The following KCNMA1 variants were observed in gnomAD, a reference collection of about 807,000 sequenced individuals.
KCNMA1 encodes Calcium-activated potassium channel subunit alpha-1.
KCNMA1 carries 29 observed loss-of-function variants against 140.0 expected under a neutral mutation model. The ratio of observed to expected loss-of-function variants is 0.21; its 90% CI spans 0.15 to 0.28. The LOEUF (loss-of-function observed/expected upper bound fraction) is 0.28, where lower values mean the gene tolerates loss of function less well. Among genes scored for constraint, KCNMA1 ranks in the 10% least tolerant of loss-of-function variants. KCNMA1 has a pLI of 1.00. For synonymous variants in KCNMA1, 612 were observed against 611.9 expected (o/e 1.00, Z 0.00); for missense variants, 880 against 1,602.2 (o/e 0.55, Z 7.70).
chr10:77,486,277 C>T (rs942446161), intron 1 of KCNMA1, among the ~76,000 whole-genome samples: 1 of 152,154 alleles, frequency 6.6e-6, no homozygotes, highest in East Asian at 1.9e-4. Flanking sequence ...TTCCCCACCA[C>T]CAAGTAGAGC....
intron 1 of KCNMA1, among the ~76,000 whole-genome samples, chr10:77,623,728 A>G (rs2091975978): frequency 6.6e-6 from 1 of 151,964 alleles, no homozygotes; most frequent in African/African-American, 2.4e-5. Context: ...AAGAAAGAAT[A>G]TTTGCAGGAT....
chr10:77,103,529 G>A (rs1224153130), intron 9 of KCNMA1, among the ~76,000 whole-genome samples: 2 of 152,218 alleles, frequency 1.3e-5, no homozygotes, highest in East Asian at 1.9e-4. Context: ...CTCTGCAGGT[G>A]AGATCTGCCC....
intron 1 of KCNMA1, among the ~76,000 whole-genome samples, chr10:77,610,428 G>A (rs530469360): frequency 5.8e-4 from 89 of 152,348 alleles, no homozygotes; most frequent in Non-Finnish European, 7.8e-4. Flanking sequence ...TCACTGAGCC[G>A]CAGCCTCGGG....
At chr10:77,556,744 C>T (rs1373992985) in intron 1 of KCNMA1, among the ~76,000 whole-genome samples, 3 of 152,060 alleles carry the variant, frequency 2.0e-5, no homozygotes, top group Admixed American at 1.3e-4. Context: ...TGCCTGATGC[C>T]CAACTCCAGG....
At chr10:77,616,504 C>A (rs2089557544) in intron 1 of KCNMA1, among the ~76,000 whole-genome samples, 1 of 152,332 alleles carries the variant, frequency 6.6e-6, no homozygotes, top group African/African-American at 2.4e-5. Flanking sequence ...CATCTCCCAG[C>A]ATTTGAAAGT....
At chr10:77,231,942 C>T (rs2053748667) in intron 3 of KCNMA1, among the ~76,000 whole-genome samples, 1 of 152,224 alleles carries the variant, frequency 6.6e-6, no homozygotes, top group Admixed American at 6.5e-5. Flanking sequence ...CTATCAACCC[C>T]CAATCTCCCC....
At chr10:77,429,545 C>A (rs977580046) in intron 1 of KCNMA1, among the ~76,000 whole-genome samples, 1 of 152,166 alleles carries the variant, frequency 6.6e-6, no homozygotes, top group African/African-American at 2.4e-5. Flanking sequence ...TCATAAGCTT[C>A]TCCCCAACAC....
At chr10:77,293,903 T>C (rs2074144043) in intron 2 of KCNMA1, among the ~76,000 whole-genome samples, 3 of 152,262 alleles carry the variant, frequency 2.0e-5, no homozygotes, top group Admixed American at 1.3e-4. Context: ...CGGGTTTCTG[T>C]ACACAGTTTT....
At position 77,027,844 on chromosome 10, in the gene KCNMA1, T is replaced by C; in HGVS notation, c.1907A>G (p.Lys636Arg). 3 of 1,613,948 alleles carry C rather than the reference T, an allele frequency of 1.9e-6. No homozygotes were observed. Among genetic ancestry groups the C allele is most frequent in the Non-Finnish European group, 2.5e-6 (3 of 1,179,920 alleles). Residue 636 changes from lysine (K) to arginine (R), a missense_variant, in exon 16 of 28, where the codon AAG (lysine) becomes AGG (arginine). Lys to Arg is a conservative substitution (Grantham distance 26, BLOSUM62 2). Coordinates refer to ENST00000286628, the MANE Select transcript of KCNMA1 (RefSeq NM_001161352.2). ...LKLLMIAIEY[K>R]SANRESRILI... ...TTACCGGCTCTCTCGGTTGGCAGACTTGTACTCAATGGCTATCATTAGGAG... is the reference window on the plus strand; with the variant it reads ...TTACCGGCTCTCTCGGTTGGCAGACCTGTACTCAATGGCTATCATTAGGAG...
intron 18 of KCNMA1, among the ~76,000 whole-genome samples, chr10:77,011,710 G>A (rs180944183): frequency 6.6e-6 from 1 of 152,244 alleles, no homozygotes; most frequent in Admixed American, 6.5e-5. Context: ...ATCTACTGAG[G>A]CACCTCTAGA....
At chr10:77,460,879 G>T (rs549377794) in intron 1 of KCNMA1, among the ~76,000 whole-genome samples, 11 of 152,280 alleles carry the variant, frequency 7.2e-5, no homozygotes, top group African/African-American at 2.6e-4. Flanking sequence ...GCCGAGGTGG[G>T]CGGATCACCT....
At chr10:77,155,158 T>C (rs2098468709) in intron 5 of KCNMA1, among the ~76,000 whole-genome samples, 1 of 152,046 alleles carries the variant, frequency 6.6e-6, no homozygotes, top group Admixed American at 6.6e-5. Context: ...AGGAAAAAGT[T>C]TAAAGAGGTG....
At chr10:76,887,661 A>T (rs767181974) in intron 27 of KCNMA1, 146 bp from the exon 28 acceptor site, 12 of 886,086 alleles carry the variant, frequency 1.4e-5, no homozygotes, top group Non-Finnish European at 2.1e-5. Context: ...GGCCTTAAAC[A>T]TTCTTTTTCT....
chr10:77,167,623 G>C (rs1205137227), intron 5 of KCNMA1, among the ~76,000 whole-genome samples: 1 of 151,982 alleles, frequency 6.6e-6, no homozygotes, highest in Non-Finnish European at 1.5e-5. Context: ...GCAGAGACTA[G>C]GGTAAGACAG....
At chr10:77,155,066 G>C (rs758630343) in intron 5 of KCNMA1, among the ~76,000 whole-genome samples, 11 of 152,182 alleles carry the variant, frequency 7.2e-5, no homozygotes, top group Non-Finnish European at 1.6e-4. Flanking sequence ...AGAAGCCTGG[G>C]GGGTGCAGGA....
At chr10:77,304,471 T>A (rs598651) in intron 2 of KCNMA1, 127,394 of 152,124 alleles carry the variant, frequency 0.84, 53,506 homozygotes, top group Middle Eastern at 0.9. Context: ...GTCAGTCCTG[T>A]GGCCATGGAA....
intron 1 of KCNMA1, among the ~76,000 whole-genome samples, chr10:77,607,410 C>T (rs1241907467): frequency 1.3e-5 from 2 of 152,272 alleles, no homozygotes; most frequent in Middle Eastern, 3.4e-3. Flanking sequence ...TGTCCACGTC[C>T]TCATCCCTGG....
intron 2 of KCNMA1, among the ~76,000 whole-genome samples, chr10:77,318,793 G>T (rs1195097764): frequency 6.6e-6 from 1 of 152,116 alleles, no homozygotes; most frequent in East Asian, 1.9e-4. Context: ...GTTGAGGAAG[G>T]TTTTTGTATC....
chr10:77,266,681 C>T (rs1416101569), intron 2 of KCNMA1, among the ~76,000 whole-genome samples: 1 of 152,174 alleles, frequency 6.6e-6, no homozygotes, highest in Non-Finnish European at 1.5e-5. Flanking sequence ...TCTGCTACTT[C>T]ACCCAAGGGA....
Sources: gnomAD v4.1 joint callset for allele counts (sites outside exome capture counted in the v4.1 genomes callset) on GRCh38, gnomAD v4.1.1 for gene constraint, MANE v1.5 for transcripts, NCBI Gene and HGNC (gene_info 2026-07-23, HGNC 2026-07-21) for gene names.